MCC: variants seen among roughly 807,000 people sequenced by gnomAD.
MCC encodes colorectal mutant cancer protein.
In MCC, 90 loss-of-function variants were observed where a neutral mutation model predicts 116.2. The observed-to-expected ratio is 0.77, with a 90% CI of 0.65 to 0.92. The LOEUF is 0.92. Ranked by LOEUF, MCC falls within the 40% of genes least tolerant of loss-of-function variation. The pLI, the probability that MCC is intolerant of heterozygous loss-of-function variation, is 0.00. For missense variants in MCC, 1,516 were observed against 1,312.2 expected (o/e 1.16, Z -2.40); for synonymous variants, 578 against 510.5 (o/e 1.13, Z -1.78).
At chr5:113,244,214 T>C (rs1316299002) in intron 3 of MCC, among the ~76,000 whole-genome samples, 2 of 152,362 alleles carry the variant, frequency 1.3e-5, no homozygotes, top group East Asian at 3.9e-4. Context: ...AATGTGGATG[T>C]AATTGTTGGC....
chr5:113,364,144 C>A lies in MCC; in HGVS notation c.415+20824G>T, dbSNP rs553908604. ...TACTCAGGAGGCTGAAGCAGGAGAA[C>A]TGCTTGAACCTGGGAGGCAGAGATT... On this transcript the variant is annotated intron_variant, in intron 2 of 18. Transcript: ENST00000408903. Among the ~76,000 whole-genome samples the A allele has an allele frequency of 2.4e-4, 36 of 146,974 alleles. No homozygotes were observed. In the East Asian group the frequency reaches 6.8e-3, roughly 28 times the overall value.
At chr5:113,107,002 C>A (rs1243093006) in intron 6 of MCC, among the ~76,000 whole-genome samples, 1 of 152,114 alleles carries the variant, frequency 6.6e-6, no homozygotes, top group African/African-American at 2.4e-5. Context: ...ACTATCTGAT[C>A]TGACTTACAT....
At chr5:113,465,845 A>G (rs921701686) in intron 1 of MCC, among the ~76,000 whole-genome samples, 4 of 152,244 alleles carry the variant, frequency 2.6e-5, no homozygotes, top group African/African-American at 4.8e-5. Context: ...TAGAAAGGTT[A>G]TAATAGTTAA....
chr5:113,472,015 T>C (rs183190908), intron 1 of MCC, among the ~76,000 whole-genome samples: 107 of 152,138 alleles, frequency 7.0e-4, no homozygotes, highest in African/African-American at 2.5e-3. Context: ...GTTGGAAAAG[T>C]GCAGTATTAG....
At chr5:113,198,825 A>T (rs1762549973) in intron 3 of MCC, among the ~76,000 whole-genome samples, 1 of 152,054 alleles carries the variant, frequency 6.6e-6, no homozygotes. Flanking sequence ...GGGAGGCGGG[A>T]CCACGTAGGC....
At chr5:113,314,832 C>T (rs897423042) in intron 3 of MCC, among the ~76,000 whole-genome samples, 4 of 152,192 alleles carry the variant, frequency 2.6e-5, no homozygotes, top group Non-Finnish European at 5.9e-5. Context: ...AGTTGACCCA[C>T]CTGCCTCGAC....
Position 113,100,934 on chromosome 5 carries a change from T to C in MCC, c.1398+805A>G, listed in dbSNP as rs1047654989. ...GGGAAGTGTTTGATTGAGGAATTCA[T>C]TGCTTCACCCCCAGTCCAATCACAG... On this transcript the variant is annotated intron_variant, in intron 8 of 18. Coordinates refer to ENST00000408903, the MANE Select transcript of MCC (RefSeq NM_001085377.2). Among the ~76,000 whole-genome samples the C allele has an allele frequency of 2.6e-5, 4 of 152,186 alleles. No individual in the cohort carries two copies. The East Asian group carries it at 5.8e-4, about 22-fold the overall frequency.
At chr5:113,463,577 C>T (rs982595740) in intron 1 of MCC, among the ~76,000 whole-genome samples, 6 of 152,202 alleles carry the variant, frequency 3.9e-5, no homozygotes, top group African/African-American at 1.4e-4. Context: ...TGGTCACATT[C>T]ACTGAGAGAG....
At chr5:113,438,126 T>C (rs1422618591) in intron 1 of MCC, among the ~76,000 whole-genome samples, 2 of 152,228 alleles carry the variant, frequency 1.3e-5, no homozygotes. Flanking sequence ...GTCCTAGGGC[T>C]CTGACAACTC....
chr5:113,095,025 C>T (rs1307616680), intron 8 of MCC, among the ~76,000 whole-genome samples: 1 of 152,180 alleles, frequency 6.6e-6, no homozygotes, highest in East Asian at 1.9e-4. Flanking sequence ...GAACACAACA[C>T]TGGACTCAGG....
rs150823474 is a variant in MCC at position 113,113,754 on chromosome 5, C to G, written c.1027+8930G>C. On this transcript the variant is annotated intron_variant, in intron 6 of 18. Transcript: ENST00000408903. Reference sequence around the variant, plus strand: ...ATACCACTAACCTGATAACACTAACCTGACGTCCTCAAAATGGCAATGTCA... The same window carrying G: ...ATACCACTAACCTGATAACACTAACGTGACGTCCTCAAAATGGCAATGTCA... Among the ~76,000 whole-genome samples the G allele has an allele frequency of 1.1e-3, 162 of 151,712 alleles. 1 individual carries two copies. The highest frequency in any genetic ancestry group is 1.8e-3 in the Non-Finnish European group (125 of 67,940).
chr5:113,181,131 A>C (rs1488994372), intron 3 of MCC, among the ~76,000 whole-genome samples: 1 of 152,218 alleles, frequency 6.6e-6, no homozygotes. Flanking sequence ...AAACTCCCAG[A>C]AACAGGCAAT....
intron 1 of MCC, among the ~76,000 whole-genome samples, chr5:113,473,057 A>G (rs1484103805): frequency 1.3e-5 from 2 of 152,242 alleles, no homozygotes. Flanking sequence ...AGAAATTACC[A>G]TAATACAAGT....
chr5:113,195,216 C>A (rs111544457), intron 3 of MCC, among the ~76,000 whole-genome samples: 153 of 152,342 alleles, frequency 1.0e-3, no homozygotes, highest in African/African-American at 3.5e-3. Context: ...CATGCTGCAA[C>A]AGCAGCATTC....
intron 4 of MCC, among the ~76,000 whole-genome samples, chr5:113,150,839 A>G (rs1759815425): frequency 6.6e-6 from 1 of 152,184 alleles, no homozygotes; most frequent in Non-Finnish European, 1.5e-5. Flanking sequence ...AGGCAAGAGG[A>G]TCACTTGAGC....
At chr5:113,241,580 C>T (rs1473337910) in intron 3 of MCC, among the ~76,000 whole-genome samples, 1 of 152,150 alleles carries the variant, frequency 6.6e-6, no homozygotes, top group Non-Finnish European at 1.5e-5. Context: ...CAGGTCTCTG[C>T]CTTAACCCTT....
intron 3 of MCC, among the ~76,000 whole-genome samples, chr5:113,169,645 G>A (rs542182954): frequency 6.6e-6 from 1 of 151,314 alleles, no homozygotes; most frequent in East Asian, 1.9e-4. Flanking sequence ...TCACATTCTG[G>A]CCATGGGGAG....
chr5:113,272,861 AT>A (rs1378490665), intron 3 of MCC, among the ~76,000 whole-genome samples: 2 of 152,182 alleles, frequency 1.3e-5, no homozygotes, highest in Non-Finnish European at 2.9e-5. Context: ...AGTCATTTAA[AT>A]TTTCAATGGC....
chr5:113,153,769 GT>G (rs544879475), intron 3 of MCC, among the ~76,000 whole-genome samples: 276 of 152,338 alleles, frequency 1.8e-3, no homozygotes, highest in Non-Finnish European at 3.3e-3. Context: ...CCCCACATCA[GT>G]TTCAGAGACT....
Sources: gnomAD v4.1 joint callset for allele counts (sites outside exome capture counted in the v4.1 genomes callset) on GRCh38, gnomAD v4.1.1 for gene constraint, MANE v1.5 for transcripts, NCBI Gene and HGNC (gene_info 2026-07-23, HGNC 2026-07-21) for gene names.